The following MAGI2 variants were observed in gnomAD, a reference collection of about 807,000 sequenced individuals.
MAGI2 encodes the protein membrane associated guanylate kinase, WW and PDZ domain containing 2.
In MAGI2, 35 loss-of-function variants were observed where a neutral mutation model predicts 133.3. The ratio of observed to expected loss-of-function variants is 0.26; its 90% CI spans 0.20 to 0.35. The LOEUF is 0.35. Among genes scored for constraint, MAGI2 ranks in the 10% least tolerant of loss-of-function variants. The pLI is 1.00. For synonymous variants in MAGI2, 729 were observed against 710.6 expected, an observed-to-expected ratio of 1.03 and a Z score of -0.41; for missense variants, 1,636 against 1,863.4, an observed-to-expected ratio of 0.88 and a Z score of 2.25.
In MAGI2 at chr7:78,595,478, G is replaced by A. The variant is rs368291501; in HGVS notation, c.538+31642C>T. 3.6e-4 allele frequency among the ~76,000 whole-genome samples: 55 copies of A among 152,226 alleles called. 2 individuals carry two copies. In the South Asian group the frequency reaches 0.01, roughly 28 times the overall value. On this transcript the variant is annotated intron_variant, in intron 3 of 21. Transcript: ENST00000354212. ...ACTTTTAAAAAGCAAAGCACTTCAC[G>A]TTTTGCCCTCTGCTACCTAAGCTGC...
At chr7:78,997,419 C>A (rs1203577949) in intron 2 of MAGI2, among the ~76,000 whole-genome samples, 5 of 151,992 alleles carry the variant, frequency 3.3e-5, no homozygotes, top group Non-Finnish European at 7.4e-5. Flanking sequence ...GCCTGACCAA[C>A]ATGGAGAAAC....
At chr7:78,741,260 A>G (rs1049296032) in intron 2 of MAGI2, among the ~76,000 whole-genome samples, 14 of 152,018 alleles carry the variant, frequency 9.2e-5, no homozygotes, top group African/African-American at 3.4e-4. Context: ...AATACTAGAA[A>G]GAACGTAATG....
Position 78,019,915 on chromosome 7 carries a change from G to T in MAGI2, c.3768C>A (p.Val1256=). Residue 1256 remains valine, a synonymous_variant, in exon 22 of 22, where the codon GTC becomes GTA. Transcript: ENST00000354212. The stretch of plus-strand genomic sequence containing the variant: ...ATGGAGCGAGGCCGTCGTCCAGGGA[G>T]ACGCCTACTTCCGGCAGACCTGGGG... ...AAAPGLPEVG[V]SLDDGLAPFS... The T allele has an allele frequency of 6.2e-7, 1 of 1,610,572 alleles. No homozygotes were observed. The highest frequency in any genetic ancestry group is 8.5e-7 in the Non-Finnish European group (1 of 1,178,768).
chr7:78,954,174 C>T (rs1370080523), intron 2 of MAGI2, among the ~76,000 whole-genome samples: 2 of 152,028 alleles, frequency 1.3e-5, no homozygotes, highest in Non-Finnish European at 2.9e-5. Context: ...TTCAGTCTTT[C>T]CTCAAGCTTA....
At chr7:78,470,068 G>GAT (rs1202498292) in intron 6 of MAGI2, among the ~76,000 whole-genome samples, 2 of 152,030 alleles carry the variant, frequency 1.3e-5, no homozygotes, top group Non-Finnish European at 2.9e-5. Flanking sequence ...CATTTTCTTT[G>GAT]AAAGACTCCA....
At chr7:79,296,460 A>G (rs1199419136) in intron 1 of MAGI2, among the ~76,000 whole-genome samples, 1 of 152,218 alleles carries the variant, frequency 6.6e-6, no homozygotes, top group African/African-American at 2.4e-5. Context: ...ATGCATGGAT[A>G]GAGAAAATGT....
intron 6 of MAGI2, chr7:78,485,909 T>A (rs1464167155): frequency 6.6e-6 from 1 of 151,942 alleles, no homozygotes; most frequent in Non-Finnish European, 1.5e-5. Flanking sequence ...TTATTAGACA[T>A]GAGAAAACAG....
chr7:78,523,942 T>G (rs2150594137), intron 3 of MAGI2, among the ~76,000 whole-genome samples: 1 of 152,224 alleles, frequency 6.6e-6, no homozygotes, highest in Admixed American at 6.5e-5. Flanking sequence ...TTGATAGCCC[T>G]GAAATCTCCA....
In MAGI2 at chr7:78,055,109, A is replaced by G. The variant is rs189857624; in HGVS notation, c.3706+23838T>C. Among the ~76,000 whole-genome samples, 17 of 151,996 alleles carry G rather than the reference A, an allele frequency of 1.1e-4. 1 individual carries two copies. The East Asian group carries it at 3.1e-3, about 28-fold the overall frequency. On this transcript the variant is annotated intron_variant, in intron 21 of 21. Coordinates refer to ENST00000354212, the MANE Select transcript of MAGI2 (RefSeq NM_012301.4). ...GAGGTGATACCTCATTGTGATTTTG[A>G]TTTGCATTTTCTATCCAGTGTTAAA... is the stretch of plus-strand genomic sequence containing the variant.
chr7:79,289,715 A>C (rs1015879025), intron 1 of MAGI2, among the ~76,000 whole-genome samples: 2 of 152,156 alleles, frequency 1.3e-5, no homozygotes, highest in African/African-American at 4.8e-5. Context: ...AGATAATCTC[A>C]CTAGAAAATT....
intron 2 of MAGI2, among the ~76,000 whole-genome samples, chr7:79,003,575 C>A (rs145053397): frequency 6.6e-6 from 1 of 152,040 alleles, no homozygotes; most frequent in Non-Finnish European, 1.5e-5. Flanking sequence ...TTTCTTTGAC[C>A]AAGGAAAATG....
chr7:78,198,471 G>A (rs982549633), intron 11 of MAGI2, among the ~76,000 whole-genome samples: 3 of 125,104 alleles, frequency 2.4e-5, no homozygotes, highest in South Asian at 2.8e-4. Context: ...TCACTCTGTC[G>A]CCCAGGCTGG....
At chr7:79,005,529 C>A (rs1357591310) in intron 2 of MAGI2, among the ~76,000 whole-genome samples, 1 of 152,166 alleles carries the variant, frequency 6.6e-6, no homozygotes, top group African/African-American at 2.4e-5. Context: ...CTATTATCTT[C>A]ATATTTAATT....
At chr7:79,093,608 G>A (rs1217243706) in intron 1 of MAGI2, among the ~76,000 whole-genome samples, 1 of 151,960 alleles carries the variant, frequency 6.6e-6, no homozygotes, top group Non-Finnish European at 1.5e-5. Context: ...AGAGAGTCTT[G>A]CCTCAACTTC....
At chr7:79,021,484 C>T (rs572095967) in intron 1 of MAGI2, among the ~76,000 whole-genome samples, 74 of 152,326 alleles carry the variant, frequency 4.9e-4, no homozygotes, top group Non-Finnish European at 3.2e-4. Context: ...GAATGTGAGA[C>T]ATGGATTCAA....
chr7:78,992,391 C>CTAAATTAAAA (rs1333028678), intron 2 of MAGI2, among the ~76,000 whole-genome samples: 3 of 151,950 alleles, frequency 2.0e-5, no homozygotes, highest in Admixed American at 2.0e-4. Flanking sequence ...CTGAATTAAA[C>CTAAATTAAAA]TAAGTTACAA....
intron 1 of MAGI2, among the ~76,000 whole-genome samples, chr7:79,123,464 T>C (rs552662443): frequency 6.6e-6 from 1 of 152,172 alleles, no homozygotes; most frequent in Non-Finnish European, 1.5e-5. Flanking sequence ...TGATAATACC[T>C]ACCCTATTGG....
At chr7:78,783,012 C>CTTTTTTTT (rs11432048) in intron 2 of MAGI2, among the ~76,000 whole-genome samples, 3 of 96,226 alleles carry the variant, frequency 3.1e-5, no homozygotes, top group African/African-American at 4.3e-5. Flanking sequence ...TGATTCTTAC[C>CTTTTTTTT]TTTTTTTTTT....
chr7:78,243,121 C>T (rs1345013287), intron 10 of MAGI2, among the ~76,000 whole-genome samples: 1 of 151,788 alleles, frequency 6.6e-6, no homozygotes, highest in African/African-American at 2.4e-5. Flanking sequence ...ACCTAACTAG[C>T]TGCTTAAGTA....
Sources: gnomAD v4.1 joint callset for allele counts (sites outside exome capture counted in the v4.1 genomes callset) on GRCh38, gnomAD v4.1.1 for gene constraint, MANE v1.5 for transcripts, NCBI Gene and HGNC (gene_info 2026-07-23, HGNC 2026-07-21) for gene names.